SLC2A13: variants seen among roughly 807,000 people sequenced by gnomAD.
SLC2A13 encodes the protein solute carrier family 2 member 13, also known as proton myo-inositol cotransporter.
A neutral mutation model predicts 64.4 loss-of-function variants in SLC2A13; 32 were observed. The ratio of observed to expected loss-of-function variants is 0.50; its 90% CI spans 0.37 to 0.67. The LOEUF (loss-of-function observed/expected upper bound fraction) is 0.67, where lower values mean the gene tolerates loss of function less well. Ranked by LOEUF, SLC2A13 falls within the 30% of genes least tolerant of loss-of-function variation. The pLI is 0.00. For synonymous variants in SLC2A13, 338 were observed against 327.1 expected, an observed-to-expected ratio of 1.03 and a Z score of -0.36; for missense variants, 743 against 829.2, an observed-to-expected ratio of 0.90 and a Z score of 1.28.
At chr12:39,839,841 T>C (rs1405242781) in intron 6 of SLC2A13, among the ~76,000 whole-genome samples, 3 of 152,082 alleles carry the variant, frequency 2.0e-5, no homozygotes, top group African/African-American at 4.8e-5. Context: ...ATCTGGATGT[T>C]TTCCAAGTGT....
At chr12:39,946,546 G>A (rs1391166186) in intron 4 of SLC2A13, among the ~76,000 whole-genome samples, 1 of 152,212 alleles carries the variant, frequency 6.6e-6, no homozygotes, top group Non-Finnish European at 1.5e-5. Context: ...TGGCTGCTGT[G>A]GGGGTTGAGG....
intron 9 of SLC2A13, 107 bp from the exon 10 acceptor site, chr12:39,760,359 C>T (rs1940089555): frequency 2.0e-6 from 2 of 1,019,664 alleles, no homozygotes; most frequent in African/African-American, 3.3e-5. Flanking sequence ...CATGCATAAT[C>T]ACAGTATGAA....
chr12:39,990,950 T>C (rs1263761459), intron 3 of SLC2A13, among the ~76,000 whole-genome samples: 1 of 152,088 alleles, frequency 6.6e-6, no homozygotes, highest in Non-Finnish European at 1.5e-5. Flanking sequence ...GCTCTCTCTC[T>C]CCCCCTGAAG....
At chr12:39,815,662 G>A (rs1942318941) in intron 7 of SLC2A13, among the ~76,000 whole-genome samples, 1 of 152,132 alleles carries the variant, frequency 6.6e-6, no homozygotes, top group Non-Finnish European at 1.5e-5. Flanking sequence ...TATAGAAAAA[G>A]CACTGGAAAG....
intron 7 of SLC2A13, among the ~76,000 whole-genome samples, chr12:39,814,338 C>T (rs1371519818): frequency 2.6e-5 from 4 of 152,136 alleles, no homozygotes; most frequent in Non-Finnish European, 4.4e-5. Flanking sequence ...CCTCTTTGTA[C>T]TGTTTTTAAA....
At chr12:39,905,270 A>G (rs908231604) in intron 4 of SLC2A13, among the ~76,000 whole-genome samples, 1 of 152,118 alleles carries the variant, frequency 6.6e-6, no homozygotes, top group Non-Finnish European at 1.5e-5. Context: ...TGCATTCATC[A>G]TCTCTGTCTT....
intron 1 of SLC2A13, among the ~76,000 whole-genome samples, chr12:40,091,474 A>G (rs1386258528): frequency 9.9e-5 from 15 of 152,238 alleles, no homozygotes; most frequent in Non-Finnish European, 2.9e-5. Flanking sequence ...GCAAACTATT[A>G]TAAAAGCCTG....
intron 3 of SLC2A13, among the ~76,000 whole-genome samples, chr12:39,977,533 T>G (rs1326139390): frequency 6.6e-6 from 1 of 152,234 alleles, no homozygotes. Context: ...ATAATGTGGC[T>G]GAAAAAACAC....
At chr12:40,018,594 G>A (rs566609270) in intron 3 of SLC2A13, among the ~76,000 whole-genome samples, 15 of 152,268 alleles carry the variant, frequency 9.9e-5, no homozygotes, top group East Asian at 1.9e-4. Flanking sequence ...TTTGTCAACC[G>A]AACAATAAAT....
intron 7 of SLC2A13, among the ~76,000 whole-genome samples, chr12:39,802,540 T>G (rs1284387093): frequency 6.6e-6 from 1 of 152,078 alleles, no homozygotes; most frequent in Non-Finnish European, 1.5e-5. Flanking sequence ...GATTAAAAGG[T>G]GTACAAGCAG....
chr12:40,028,577 TTTGTG>T, intron 2 of SLC2A13, 68 bp from the exon 3 acceptor site: 1 of 1,494,610 alleles, frequency 6.7e-7, no homozygotes, highest in Non-Finnish European at 9.2e-7. Context: ...ACCACATACT[TTTGTG>T]TTGTGTTGAC....
At chr12:39,898,979 G>A (rs939901040) in intron 4 of SLC2A13, among the ~76,000 whole-genome samples, 1 of 152,088 alleles carries the variant, frequency 6.6e-6, no homozygotes, top group African/African-American at 2.4e-5. Flanking sequence ...TTGGTATCAG[G>A]ATGATGCTGG....
intron 3 of SLC2A13, among the ~76,000 whole-genome samples, chr12:39,952,800 G>A (rs956230271): frequency 2.0e-5 from 3 of 152,106 alleles, no homozygotes; most frequent in Non-Finnish European, 4.4e-5. Context: ...AAGACTGTGT[G>A]AAACAGGTGA....
chr12:40,033,683 A>G (rs1359286534), intron 2 of SLC2A13, among the ~76,000 whole-genome samples: 1 of 152,336 alleles, frequency 6.6e-6, no homozygotes, highest in Non-Finnish European at 1.5e-5. Flanking sequence ...GTGCCAAACT[A>G]AAGTTTTATT....
chr12:39,883,637 G>T (rs899038328), intron 4 of SLC2A13, among the ~76,000 whole-genome samples: 1 of 152,114 alleles, frequency 6.6e-6, no homozygotes, highest in Non-Finnish European at 1.5e-5. Context: ...TCTCAAAACG[G>T]TATTAAGACT....
At chr12:39,792,316 C>T (rs1941431595) in intron 7 of SLC2A13, among the ~76,000 whole-genome samples, 1 of 150,510 alleles carries the variant, frequency 6.6e-6, no homozygotes, top group Admixed American at 6.7e-5. Flanking sequence ...CAGGCGTGGG[C>T]AAGGACTTCA....
intron 3 of SLC2A13, among the ~76,000 whole-genome samples, chr12:39,974,660 G>A (rs1018772718): frequency 2.0e-5 from 3 of 152,146 alleles, no homozygotes; most frequent in South Asian, 2.1e-4. Flanking sequence ...CATAAGATAC[G>A]TTCAAATTAT....
At chr12:39,817,337 C>G (rs1392004846) in intron 7 of SLC2A13, among the ~76,000 whole-genome samples, 1 of 147,186 alleles carries the variant, frequency 6.8e-6, no homozygotes, top group Non-Finnish European at 1.5e-5. Context: ...ACTGCTGTTA[C>G]AAGTCACAGG....
At chr12:40,104,990 G>C (rs1939257103) in intron 1 of SLC2A13, among the ~76,000 whole-genome samples, 1 of 152,178 alleles carries the variant, frequency 6.6e-6, no homozygotes, top group South Asian at 2.1e-4. Context: ...CACTTGGACT[G>C]ACTGGTCCGT....
Sources: allele counts gnomAD v4.1 joint callset (sites outside exome capture counted in the v4.1 genomes callset), GRCh38; gene constraint gnomAD v4.1.1; transcripts MANE v1.5; gene names NCBI Gene and HGNC (gene_info 2026-07-23, HGNC 2026-07-21).